Variants in LDB2 observed in about 807,000 individuals in gnomAD.
LDB2 encodes the protein LIM domain-binding protein 2.
A neutral mutation model predicts 44.3 loss-of-function variants in LDB2; 12 were observed. The ratio of observed to expected loss-of-function variants is 0.27; its 90% CI spans 0.17 to 0.44. The LOEUF (loss-of-function observed/expected upper bound fraction) is 0.44, where lower values mean the gene tolerates loss of function less well. Among genes scored for constraint, LDB2 ranks in the 20% least tolerant of loss-of-function variants. The pLI, the probability that LDB2 is intolerant of heterozygous loss-of-function variation, is 1.00. For synonymous variants in LDB2, 164 were observed against 174.8 expected (o/e 0.94, Z 0.49); for missense variants, 344 against 473.5 (o/e 0.73, Z 2.54).
At chr4:16,742,012 G>A (rs1049343647) in intron 2 of LDB2, among the ~76,000 whole-genome samples, 1 of 151,608 alleles carries the variant, frequency 6.6e-6, no homozygotes, top group African/African-American at 2.4e-5. Flanking sequence ...ATGAACACAT[G>A]AATGAATCCA....
intron 1 of LDB2, among the ~76,000 whole-genome samples, chr4:16,773,336 T>G (rs548321001): frequency 5.3e-5 from 8 of 152,190 alleles, no homozygotes; most frequent in Non-Finnish European, 1.2e-4. Flanking sequence ...TTTCTACTAT[T>G]ATTACATTCT....
intron 2 of LDB2, among the ~76,000 whole-genome samples, chr4:16,671,019 T>C (rs1274969759): frequency 6.6e-6 from 1 of 152,060 alleles, no homozygotes; most frequent in African/African-American, 2.4e-5. Flanking sequence ...CAGCCTGTCT[T>C]ATCTGTGCCA....
chr4:16,548,702 A>G (rs1447930941), intron 5 of LDB2, among the ~76,000 whole-genome samples: 1 of 152,222 alleles, frequency 6.6e-6, no homozygotes, highest in Non-Finnish European at 1.5e-5. Flanking sequence ...CTGGCTACCA[A>G]ATTATAGTCC....
chr4:16,649,827 C>T lies in LDB2; in HGVS notation c.236-53952G>A, dbSNP rs560582915. On this transcript the variant is annotated intron_variant, in intron 2 of 7. Coordinates refer to ENST00000304523, the MANE Select transcript of LDB2 (RefSeq NM_001290.5). ...TGAAAACTAAACTGATGATGCCATG[C>T]TATTAAAGTTCCTCTGAAGTCAGAG... Among the ~76,000 whole-genome samples, 8 of 152,304 alleles carry T rather than the reference C, an allele frequency of 5.3e-5. No homozygotes were observed. In the East Asian group the frequency reaches 1.5e-3, roughly 29 times the overall value.
At chr4:16,605,633 T>C (rs1396920384) in intron 2 of LDB2, among the ~76,000 whole-genome samples, 1 of 152,228 alleles carries the variant, frequency 6.6e-6, no homozygotes, top group East Asian at 1.9e-4. Context: ...CAGTGCCTAA[T>C]GGACACTTCC....
chr4:16,679,411 C>T (rs1007514126), intron 2 of LDB2, among the ~76,000 whole-genome samples: 1 of 152,096 alleles, frequency 6.6e-6, no homozygotes, highest in Admixed American at 6.5e-5. Context: ...TGAGTGCTAA[C>T]GTTTTTCTAG....
intron 1 of LDB2, among the ~76,000 whole-genome samples, chr4:16,858,348 T>C (rs1340474853): frequency 6.6e-6 from 1 of 152,172 alleles, no homozygotes; most frequent in Non-Finnish European, 1.5e-5. Context: ...CCTGTTTACA[T>C]TATTGCTCCA....
intron 2 of LDB2, among the ~76,000 whole-genome samples, chr4:16,668,616 T>C (rs1167506933): frequency 6.6e-6 from 1 of 152,196 alleles, no homozygotes; most frequent in East Asian, 1.9e-4. Context: ...AGCTATATTA[T>C]CCTAAGCCCT....
At chr4:16,599,920 A>G (rs1248106147) in intron 2 of LDB2, among the ~76,000 whole-genome samples, 1 of 152,192 alleles carries the variant, frequency 6.6e-6, no homozygotes, top group African/African-American at 2.4e-5. Context: ...ATTCATTTCT[A>G]TCAGGAGAGG....
intron 1 of LDB2, among the ~76,000 whole-genome samples, chr4:16,844,084 C>T (rs1437900873): frequency 4.2e-5 from 4 of 95,750 alleles, no homozygotes; most frequent in Non-Finnish European, 8.6e-5. Flanking sequence ...AAGACCCCAT[C>T]TCTAAAAAAA....
At chr4:16,508,416 C>A (rs1404020854) in intron 7 of LDB2, 119 bp downstream of exon 7, 27 of 951,120 alleles carry the variant, frequency 2.8e-5, no homozygotes, top group Non-Finnish European at 1.5e-6. Flanking sequence ...ATCCCTCCCC[C>A]ACCTCCAACC....
chr4:16,597,931 G>T (rs1441096261), intron 2 of LDB2, among the ~76,000 whole-genome samples: 1 of 152,114 alleles, frequency 6.6e-6, no homozygotes, highest in African/African-American at 2.4e-5. Flanking sequence ...TTGCTTTATT[G>T]AATAATTTCT....
At chr4:16,625,418 C>A (rs1323100646) in intron 2 of LDB2, among the ~76,000 whole-genome samples, 1 of 152,172 alleles carries the variant, frequency 6.6e-6, no homozygotes, top group Non-Finnish European at 1.5e-5. Flanking sequence ...CTGGATTGAA[C>A]TATTGACATG....
At chr4:16,549,813 T>G (rs1353685830) in intron 5 of LDB2, among the ~76,000 whole-genome samples, 1 of 152,226 alleles carries the variant, frequency 6.6e-6, no homozygotes, top group Non-Finnish European at 1.5e-5. Flanking sequence ...ATACCAGTTC[T>G]TCTCTGTAAG....
At chr4:16,797,949 T>C (rs158277) in intron 1 of LDB2, among the ~76,000 whole-genome samples, 133,767 of 151,000 alleles carry the variant, frequency 0.89, 59,631 homozygotes, top group Middle Eastern at 0.98. Context: ...GCAGGAGAAT[T>C]GCTTGAATCC....
At chr4:16,560,493 T>A (rs554733207) in intron 5 of LDB2, among the ~76,000 whole-genome samples, 8 of 152,214 alleles carry the variant, frequency 5.3e-5, no homozygotes, top group Non-Finnish European at 1.0e-4. Flanking sequence ...CCTGGACACA[T>A]ACACCCTCCC....
chr4:16,742,645 C>T (rs1262241679), intron 2 of LDB2, among the ~76,000 whole-genome samples: 1 of 152,160 alleles, frequency 6.6e-6, no homozygotes, highest in Non-Finnish European at 1.5e-5. Flanking sequence ...AAATTCTCCT[C>T]TTCTTCATTA....
intron 5 of LDB2, among the ~76,000 whole-genome samples, chr4:16,527,237 T>G (rs1047328709): frequency 6.6e-6 from 1 of 152,070 alleles, no homozygotes; most frequent in Non-Finnish European, 1.5e-5. Context: ...GAGTGAAGAC[T>G]TGAGTTCTTT....
chr4:16,672,716 C>CTCTCAGGTCAGGTTGTGATTT (rs913814969), intron 2 of LDB2, among the ~76,000 whole-genome samples: 3 of 150,336 alleles, frequency 2.0e-5, no homozygotes, highest in African/African-American at 7.6e-5. Context: ...CACAGTGCCT[C>CTCTCAGGTCAGGTTGTGATTT]TCTCAGGTCA....
Sources: allele counts gnomAD v4.1 joint callset (sites outside exome capture counted in the v4.1 genomes callset), GRCh38; gene constraint gnomAD v4.1.1; transcripts MANE v1.5; gene names NCBI Gene and HGNC (gene_info 2026-07-23, HGNC 2026-07-21).